The following DPYSL3 variants were observed in gnomAD, a reference collection of about 807,000 sequenced individuals.
DPYSL3 encodes dihydropyrimidinase-related protein 3.
In DPYSL3, 16 loss-of-function variants were observed where a neutral mutation model predicts 66.1. The ratio of observed to expected loss-of-function variants is 0.24; its 90% CI spans 0.16 to 0.37. The LOEUF (loss-of-function observed/expected upper bound fraction) is 0.37. Among genes scored for constraint, DPYSL3 ranks in the 10% least tolerant of loss-of-function variants. DPYSL3 has a pLI of 1.00. For missense variants in DPYSL3, 738 were observed against 916.2 expected (o/e 0.81, Z 2.51); for synonymous variants, 338 against 345.1 (o/e 0.98, Z 0.23).
At chr5:147,479,850 G>A (rs149195427) in intron 1 of DPYSL3, among the ~76,000 whole-genome samples, 1 of 152,208 alleles carries the variant, frequency 6.6e-6, no homozygotes, top group East Asian at 1.9e-4. Flanking sequence ...ATAATATAAA[G>A]GCTTGCATTT....
At chr5:147,442,119 T>C (rs1752543332) in intron 1 of DPYSL3, among the ~76,000 whole-genome samples, 1 of 152,212 alleles carries the variant, frequency 6.6e-6, no homozygotes, top group Non-Finnish European at 1.5e-5. Context: ...AGTGCATGAT[T>C]TCAAATAAAG....
At chr5:147,415,457 C>G (rs755039009) in intron 4 of DPYSL3, among the ~76,000 whole-genome samples, 16 of 152,150 alleles carry the variant, frequency 1.1e-4, no homozygotes, top group Non-Finnish European at 2.2e-4. Context: ...CTTACTAATG[C>G]TATGATCTTG....
intron 1 of DPYSL3, among the ~76,000 whole-genome samples, chr5:147,441,671 T>TA (rs922699013): frequency 1.3e-5 from 2 of 152,244 alleles, no homozygotes; most frequent in Non-Finnish European, 2.9e-5. Flanking sequence ...CATACTTTTT[T>TA]AAACCTATTT....
At chr5:147,441,991 G>A (rs906242126) in intron 1 of DPYSL3, among the ~76,000 whole-genome samples, 1 of 152,062 alleles carries the variant, frequency 6.6e-6, no homozygotes, top group African/African-American at 2.4e-5. Flanking sequence ...CTCTCTATAA[G>A]GCCATAATTT....
chr5:147,405,635 G>A lies in DPYSL3; in HGVS notation c.1128C>T (p.Asp376=), dbSNP rs138020761. The change falls in exon 8 of 14, where the codon GAC becomes GAT. Residue 376 remains aspartate, a synonymous_variant. Transcript: ENST00000343218. Reference sequence around the variant, plus strand: ...CTTTTTTCCTGGCTTGTGAGATGAGGTCAGCTGCACTCTTGCTCATGACCT... The same window carrying A: ...CTTTTTTCCTGGCTTGTGAGATGAGATCAGCTGCACTCTTGCTCATGACCT... ...VTKVMSKSAA[D]LISQARKKGN... 9.2e-5 allele frequency: 149 copies of A among 1,613,416 alleles called. No homozygotes were observed. In the African/African-American group the frequency reaches 1.7e-3, roughly 19 times the overall value.
At chr5:147,440,240 T>A (rs1000662001) in intron 1 of DPYSL3, among the ~76,000 whole-genome samples, 14 of 152,138 alleles carry the variant, frequency 9.2e-5, no homozygotes, top group African/African-American at 3.1e-4. Flanking sequence ...GAGGCGGAGC[T>A]TGCAGTGAGC....
At chr5:147,419,394 A>C (rs1401885848) in intron 2 of DPYSL3, among the ~76,000 whole-genome samples, 1 of 152,246 alleles carries the variant, frequency 6.6e-6, no homozygotes, top group African/African-American at 2.4e-5. Context: ...AGACTCAGGC[A>C]GAAGGAAGCC....
At chr5:147,476,437 TA>T (rs2126429394) in intron 1 of DPYSL3, among the ~76,000 whole-genome samples, 1 of 152,154 alleles carries the variant, frequency 6.6e-6, no homozygotes, top group African/African-American at 2.4e-5. Context: ...TATTTAGGAG[TA>T]AAAACAAGGG....
chr5:147,484,672 C>A (rs1048725143), intron 1 of DPYSL3, among the ~76,000 whole-genome samples: 22 of 152,298 alleles, frequency 1.4e-4, no homozygotes, highest in African/African-American at 4.8e-4. Flanking sequence ...GACATCAGAG[C>A]AAATTAGAAT....
chr5:147,416,053 C>T (rs1301894803), intron 3 of DPYSL3, among the ~76,000 whole-genome samples, 180 bp from the exon 4 acceptor site: 3 of 152,116 alleles, frequency 2.0e-5, no homozygotes, highest in Non-Finnish European at 4.4e-5. Context: ...TGTCACAAAG[C>T]TATGTGATTT....
intron 1 of DPYSL3, among the ~76,000 whole-genome samples, chr5:147,484,544 A>C (rs1217579131): frequency 6.6e-6 from 1 of 152,210 alleles, no homozygotes; most frequent in Non-Finnish European, 1.5e-5. Flanking sequence ...AAACAATAAC[A>C]AACCAATAGT....
chr5:147,439,124 G>C (rs927049896), intron 1 of DPYSL3, among the ~76,000 whole-genome samples: 1 of 152,178 alleles, frequency 6.6e-6, no homozygotes, highest in Non-Finnish European at 1.5e-5. Context: ...ATTTGTAAAT[G>C]CCTCCTGTTC....
At chr5:147,478,447 C>T (rs1753192576) in intron 1 of DPYSL3, among the ~76,000 whole-genome samples, 1 of 152,156 alleles carries the variant, frequency 6.6e-6, no homozygotes, top group Admixed American at 6.5e-5. Context: ...AAGATGGTAC[C>T]TTTGGAAAGA....
chr5:147,410,854 A>G (rs1751837529), intron 6 of DPYSL3, among the ~76,000 whole-genome samples: 1 of 152,192 alleles, frequency 6.6e-6, no homozygotes, highest in Non-Finnish European at 1.5e-5. Flanking sequence ...CACACACAAT[A>G]AACTCATCCA....
intron 3 of DPYSL3, among the ~76,000 whole-genome samples, chr5:147,416,534 C>A (rs1317472661): frequency 6.6e-6 from 1 of 152,140 alleles, no homozygotes; most frequent in Non-Finnish European, 1.5e-5. Flanking sequence ...TAAACAATGG[C>A]ATCTACAGTT....
chr5:147,418,674 A>C (rs1324619933), intron 2 of DPYSL3, 43 bp from the exon 3 acceptor site: 10 of 1,522,538 alleles, frequency 6.6e-6, no homozygotes, highest in Non-Finnish European at 8.9e-6. Flanking sequence ...ACACTTGGTC[A>C]TTTAAAAGTG....
intron 5 of DPYSL3, 141 bp from the exon 6 acceptor site, chr5:147,412,829 G>A: frequency 1.4e-6 from 1 of 718,018 alleles, no homozygotes; most frequent in Non-Finnish European, 2.4e-6. Flanking sequence ...ATATTACATA[G>A]GCATGACCAA....
At chr5:147,438,138 G>A (rs1008956379) in intron 1 of DPYSL3, among the ~76,000 whole-genome samples, 4 of 152,136 alleles carry the variant, frequency 2.6e-5, no homozygotes, top group African/African-American at 9.7e-5. Flanking sequence ...AGACAATGGT[G>A]ATGACTGATT....
intron 1 of DPYSL3, among the ~76,000 whole-genome samples, chr5:147,498,089 C>G (rs1385134672): frequency 6.6e-6 from 1 of 152,108 alleles, no homozygotes; most frequent in Non-Finnish European, 1.5e-5. Flanking sequence ...CCTCCTCCCA[C>G]CCTCCACCCT....
Sources: gnomAD v4.1 joint callset for allele counts (sites outside exome capture counted in the v4.1 genomes callset) on GRCh38, gnomAD v4.1.1 for gene constraint, MANE v1.5 for transcripts, NCBI Gene and HGNC (gene_info 2026-07-23, HGNC 2026-07-21) for gene names.